The following CTSO variants were observed in gnomAD, a reference collection of about 807,000 sequenced individuals.
CTSO encodes cathepsin O.
Under a neutral mutation model 42.4 loss-of-function variants are expected in CTSO, and 40 were observed. That is an observed-to-expected ratio of 0.94 (90% CI 0.73 to 1.23). The LOEUF (loss-of-function observed/expected upper bound fraction) is 1.23, where lower values mean the gene tolerates loss of function less well. Ranked by LOEUF, CTSO falls within the 50% of genes most tolerant of loss-of-function variation. The pLI is 0.00. For missense variants in CTSO, 441 were observed against 396.0 expected (o/e 1.11, Z -0.96); for synonymous variants, 156 against 146.2 (o/e 1.07, Z -0.48).
At chr4:155,947,286 G>C (rs1299698798) in intron 1 of CTSO, among the ~76,000 whole-genome samples, 1 of 152,148 alleles carries the variant, frequency 6.6e-6, no homozygotes, top group African/African-American at 2.4e-5. Context: ...AGAATGTAAG[G>C]ATGAAATAAA....
intron 1 of CTSO, among the ~76,000 whole-genome samples, chr4:155,952,036 TCA>T (rs1396147077): frequency 1.3e-5 from 2 of 152,204 alleles, no homozygotes; most frequent in Non-Finnish European, 2.9e-5. Context: ...CGAGAGGTGT[TCA>T]GTTTCCAGCA....
chr4:155,939,560 G>T, intron 3 of CTSO, 22 bp from the exon 4 acceptor site: 1 of 1,583,790 alleles, frequency 6.3e-7, no homozygotes. Flanking sequence ...CAGAAAAAGG[G>T]GTGGTATTTC....
At chr4:155,943,290 A>G (rs759140193) in intron 1 of CTSO, 26 bp from the exon 2 acceptor site, 2 of 1,379,160 alleles carry the variant, frequency 1.5e-6, no homozygotes, top group South Asian at 2.4e-5. Context: ...AAACTATTTC[A>G]TATCCACTAT....
chr4:155,938,331 G>T (rs1158412185), intron 4 of CTSO, among the ~76,000 whole-genome samples: 1 of 152,220 alleles, frequency 6.6e-6, no homozygotes, highest in Non-Finnish European at 1.5e-5. Flanking sequence ...AGTGTGTACA[G>T]AGCAGGTCCT....
rs1743166349 is a variant in CTSO at position 155,928,314 on chromosome 4, TAAACAC to T, written c.931+16_931+21del. ...CTCCTTAATATTTATATTGAGGTTT[TAAACAC>T]AAACTCATGACTTACCACAAACATT... On this transcript the variant is annotated intron_variant, in intron 7 of 7. Transcript: ENST00000433477. 1.3e-6 allele frequency: 2 copies of T among 1,563,196 alleles called. No individual in the cohort carries two copies. Among genetic ancestry groups the T allele is most frequent in the East Asian group, 4.5e-5 (2 of 44,478 alleles).
chr4:155,943,438 G>T (rs924644697), intron 1 of CTSO, among the ~76,000 whole-genome samples, 174 bp from the exon 2 acceptor site: 3 of 152,052 alleles, frequency 2.0e-5, no homozygotes, highest in Non-Finnish European at 4.4e-5. Context: ...TTTTCTATTA[G>T]AATTATTATC....
Position 155,937,398 on chromosome 4 carries a change from C to G in CTSO, c.638G>C (p.Gly213Ala). ...LCHYFSGSHS[G>A]FSIKGYSAYD... ...TGCAGAATAACCTTTGATTGAAAAT[C>G]CAGAATGTGAACCAGAAAAGTAATG... Residue 213 changes from glycine (G) to alanine (A), a missense_variant, in exon 5 of 8, where the codon GGA (glycine) becomes GCA (alanine). By Grantham distance (60) the Gly-to-Ala change is moderately conservative. Transcript: ENST00000433477. 2 of 1,611,542 alleles carry G rather than the reference C, an allele frequency of 1.2e-6. No individual in the cohort carries two copies. Among genetic ancestry groups the G allele is most frequent in the Non-Finnish European group, 1.7e-6 (2 of 1,177,742 alleles).
intron 5 of CTSO, among the ~76,000 whole-genome samples, chr4:155,934,753 G>A (rs1579341674): frequency 1.3e-5 from 2 of 152,252 alleles, no homozygotes; most frequent in South Asian, 4.1e-4. Context: ...ATTTGGAATG[G>A]CCGTATTTAC....
intron 3 of CTSO, among the ~76,000 whole-genome samples, chr4:155,940,115 A>G (rs758052699): frequency 6.6e-6 from 1 of 152,222 alleles, no homozygotes; most frequent in Non-Finnish European, 1.5e-5. Flanking sequence ...GTGGATGTAC[A>G]TGAAATGTCC....
Position 155,929,604 on chromosome 4 carries a change from T to C in CTSO, c.776A>G (p.Gln259Arg), listed in dbSNP as rs1289787730. The C allele has an allele frequency of 6.2e-7, 1 of 1,613,958 alleles. No individual in the cohort carries two copies. Among genetic ancestry groups the C allele is most frequent in the East Asian group, 2.2e-5 (1 of 44,868 alleles). The change falls in exon 6 of 8, where the codon CAG (glutamine) becomes CGG (arginine). Residue 259 changes from glutamine to arginine, a missense_variant. Physicochemically the swap from Gln to Arg is conservative, Grantham distance 43. Transcript: ENST00000433477. Reference sequence around the variant, plus strand: ...TGCTTCTCCACTAGAGCAGTGATGCTGTATAATGCCTCCCAGATAATCTTG... The same window carrying C: ...TGCTTCTCCACTAGAGCAGTGATGCCGTATAATGCCTCCCAGATAATCTTG... Reference protein sequence around the residue: ...SWQDYLGGIIQHHCSSGEANH... With the variant: ...SWQDYLGGIIRHHCSSGEANH...
intron 1 of CTSO, 144 bp downstream of exon 1, chr4:155,953,569 C>T: frequency 3.8e-6 from 4 of 1,046,624 alleles, no homozygotes; most frequent in Non-Finnish European, 4.9e-6. Flanking sequence ...GCTTTTGCAC[C>T]CGCAGCTCAG....
At chr4:155,926,724 C>T (rs1347129228) in intron 7 of CTSO, among the ~76,000 whole-genome samples, 3 of 152,196 alleles carry the variant, frequency 2.0e-5, no homozygotes, top group Non-Finnish European at 4.4e-5. Context: ...ACCAACCAGG[C>T]ATGCCCTTAA....
rs932795592 is a variant in CTSO at position 155,924,505 on chromosome 4, A to G, written c.*1531T>C. 3 of 152,206 alleles carry G rather than the reference A, an allele frequency of 2.0e-5. No individual in the cohort carries two copies. Among genetic ancestry groups the G allele is most frequent in the Non-Finnish European group, 4.4e-5 (3 of 68,032 alleles). The allele number at this position is 152,206 out of a possible 1,614,324, so 9.4% of individuals were successfully genotyped here. A position where few individuals can be genotyped will look rare whatever the true frequency, so the allele number is the denominator to read the frequency against. ...GATAAACAAAGGGCAAAAGTGAGAG[A>G]AAAAGTTAGATGTCCTTGAATTTTT... On this transcript the variant is annotated 3_prime_UTR_variant, in exon 8 of 8. Transcript: ENST00000433477.
intron 7 of CTSO, among the ~76,000 whole-genome samples, chr4:155,927,574 C>G (rs770576138): frequency 2.0e-5 from 3 of 152,066 alleles, no homozygotes; most frequent in Admixed American, 6.5e-5. Context: ...TTGAGACCAT[C>G]CTGGCTAACA....
Position 155,953,775 on chromosome 4 carries a change from A to G in CTSO, c.73T>C (p.Ser25Pro). ...CAGGTCGGGGTGAAGGGGGCGCGGG[A>G]GTCCGCATCGCCGCCGCCCCGGCAC... ...LLCRGGGDAD[S>P]RAPFTPTWPR... Residue 25 changes from serine to proline, a missense_variant, in exon 1 of 8, where the codon TCC becomes CCC. Transcript: ENST00000433477. 3.0e-6 allele frequency: 4 copies of G among 1,338,860 alleles called. No homozygotes were observed. Among genetic ancestry groups the G allele is most frequent in the South Asian group, 1.9e-5 (1 of 51,506 alleles). The allele number at this position is 1,338,860 out of a possible 1,614,324, so 82.9% of individuals were successfully genotyped here.
chr4:155,942,285 A>T, intron 3 of CTSO, 32 bp downstream of exon 3: 1 of 1,528,622 alleles, frequency 6.5e-7, no homozygotes, highest in Non-Finnish European at 8.8e-7. Flanking sequence ...CAATGCTTAG[A>T]TGATTAGAAA....
intron 6 of CTSO, 110 bp downstream of exon 6, chr4:155,929,432 T>G (rs1421063845): frequency 9.1e-7 from 1 of 1,094,274 alleles, no homozygotes. Flanking sequence ...GAAGGTCTTA[T>G]GAGGACTTAA....
chr4:155,929,472 C>T (rs1180763217), intron 6 of CTSO, 70 bp downstream of exon 6: 20 of 1,481,344 alleles, frequency 1.4e-5, no homozygotes, highest in Admixed American at 3.9e-5. Context: ...CAATGTTCTA[C>T]AGTATGGTGA....
Position 155,926,072 on chromosome 4 carries a change from T to TA in CTSO, c.932-3dup, listed in dbSNP as rs1372134105. The TA allele has an allele frequency of 1.3e-5, 19 of 1,488,488 alleles. No individual in the cohort carries two copies. Among genetic ancestry groups the TA allele is most frequent in the Non-Finnish European group, 1.6e-5 (18 of 1,109,946 alleles). The allele number at this position is 1,488,488 out of a possible 1,614,324, so 92.2% of individuals were successfully genotyped here. On this transcript the variant is annotated splice_region_variant and splice_polypyrimidine_tract_variant and intron_variant, in intron 7 of 7. Coordinates refer to ENST00000433477, the MANE Select transcript of CTSO (RefSeq NM_001334.3). Reference sequence around the variant, plus strand: ...TAGAAGAAACGGAATCTGCAATACCTAAGGGAAAAAAAAGGAATTATTAGT... The same window carrying TA: ...TAGAAGAAACGGAATCTGCAATACCTAAAGGGAAAAAAAAGGAATTATTAGT...
Sources: allele counts gnomAD v4.1 joint callset (sites outside exome capture counted in the v4.1 genomes callset), GRCh38; gene constraint gnomAD v4.1.1; transcripts MANE v1.5; gene names NCBI Gene and HGNC (gene_info 2026-07-23, HGNC 2026-07-21).